PHACTR2: variants seen among roughly 807,000 people sequenced by gnomAD.
The protein encoded by PHACTR2 is phosphatase and actin regulator 2.
Under a neutral mutation model 76.0 loss-of-function variants are expected in PHACTR2, and 30 were observed. That is an observed-to-expected ratio of 0.39 (90% CI 0.30 to 0.54). The LOEUF (loss-of-function observed/expected upper bound fraction) is 0.54, where lower values mean the gene tolerates loss of function less well. PHACTR2 is among the 20% of genes least tolerant of loss of function. The pLI is 0.61. For missense variants in PHACTR2, 696 were observed against 781.1 expected (o/e 0.89, Z 1.30); for synonymous variants, 292 against 292.5 (o/e 1.00, Z 0.02).
rs1023365138 is a variant in PHACTR2 at position 143,616,903 on chromosome 6, G to A, written c.13+8581G>A. Among the ~76,000 whole-genome samples the A allele has an allele frequency of 3.9e-5, 6 of 152,160 alleles. No individual in the cohort carries two copies. Among genetic ancestry groups the A allele is most frequent in the African/African-American group, 7.2e-5 (3 of 41,540 alleles). On this transcript the variant is annotated intron_variant, in intron 1 of 11. Coordinates refer to the PHACTR2 transcript ENST00000305766. This position sits in a 1 kb window ranked among gnomAD's most constrained non-coding sequence, Gnocchi z 4.9. The stretch of plus-strand genomic sequence containing the variant: ...AGCTGAGTGGCCGGCAAACACACAC[G>A]CCCCCAGACAGGACGTTGACTGGGA...
At chr6:143,786,507 C>T (rs1292944406) in intron 10 of PHACTR2, among the ~76,000 whole-genome samples, 1 of 152,204 alleles carries the variant, frequency 6.6e-6, no homozygotes, top group African/African-American at 2.4e-5. Context: ...AAAGTTGATT[C>T]CACATTTTTG....
rs1439292358 is a variant in PHACTR2 at position 143,658,589 on chromosome 6, A to G, written c.13+50267A>G. Among the ~76,000 whole-genome samples the G allele has an allele frequency of 6.6e-6, 1 of 152,240 alleles. No individual in the cohort carries two copies. The highest frequency in any genetic ancestry group is 1.5e-5 in the Non-Finnish European group (1 of 68,044). On this transcript the variant is annotated intron_variant, in intron 1 of 11. Transcript: ENST00000305766. This position sits in a 1 kb window ranked among gnomAD's most constrained non-coding sequence, Gnocchi z 4.1. ...CTGTATGGTATAGCTTATTTCTCCC[A>G]AGCTACAAATCTGTGCAGCATGTTA...
Position 143,672,493 on chromosome 6 carries a change from C to T in PHACTR2, c.14-39523C>T, listed in dbSNP as rs556003118. Among the ~76,000 whole-genome samples, 20 of 152,042 alleles carry T rather than the reference C, an allele frequency of 1.3e-4. No homozygotes were observed. Among genetic ancestry groups the T allele is most frequent in the Middle Eastern group, 6.8e-3 (2 of 294 alleles). On this transcript the variant is annotated intron_variant, in intron 1 of 11. Coordinates refer to the PHACTR2 transcript ENST00000305766. The surrounding 1 kb of genome is among the most constrained non-coding windows in gnomAD (Gnocchi z 5.8). ...AAAAACAAACAAAAAAAGCTGCAAGCAATAAACAAACAAATACAGTTAATT... is the reference window on the plus strand; with the variant it reads ...AAAAACAAACAAAAAAAGCTGCAAGTAATAAACAAACAAATACAGTTAATT...
chr6:143,723,749 C>T (rs1778494804), intron 2 of PHACTR2, among the ~76,000 whole-genome samples: 1 of 151,920 alleles, frequency 6.6e-6, no homozygotes, highest in Non-Finnish European at 1.5e-5. Context: ...TCTGGTACAC[C>T]ACCCTTCTCT....
In PHACTR2 at chr6:143,827,930, G is replaced by A. The variant is rs1776579819; in HGVS notation, c.*4241G>A. On this transcript the variant is annotated 3_prime_UTR_variant, in exon 13 of 13. Transcript: ENST00000440869. ...GGCCAAGGTGGGTGGATCAGTTGAG[G>A]TCAGGAGTTCGAGACCAGCCTGGCC... 3 of 152,146 alleles carry A rather than the reference G, an allele frequency of 2.0e-5. No homozygotes were observed. In the South Asian group the frequency reaches 6.2e-4, roughly 32 times the overall value. The allele number at this position is 152,146 out of a possible 1,614,324, so 9.4% of individuals were successfully genotyped here.
At position 143,787,777 on chromosome 6, in the gene PHACTR2, A is replaced by G. The variant is rs1212697794; in HGVS notation, c.1708-996A>G. On this transcript the variant is annotated intron_variant, in intron 10 of 12. Coordinates refer to ENST00000440869, the MANE Select transcript of PHACTR2 (RefSeq NM_001100164.2). The surrounding 1 kb of genome is among the most constrained non-coding windows in gnomAD (Gnocchi z 4.6). ...TGTTTAAATAAAAAAAAAATAAGCA[A>G]TATCTCCGGAGAGGACCACTTAGAT... Among the ~76,000 whole-genome samples the G allele has an allele frequency of 2.0e-5, 3 of 152,128 alleles. No homozygotes were observed. The highest frequency in any genetic ancestry group is 6.6e-5 in the Admixed American group (1 of 15,262).
rs1775761139 is a variant in PHACTR2 at position 143,596,852 on chromosome 6, T to G, written c.217+59645T>G. 6.6e-6 allele frequency among the ~76,000 whole-genome samples: 1 copy of G among 151,826 alleles called. No homozygotes were observed. The highest frequency in any genetic ancestry group is 6.6e-5 in the Admixed American group (1 of 15,222). On this transcript the variant is annotated intron_variant, in intron 1 of 11. Coordinates refer to the PHACTR2 transcript ENST00000367584. This position sits in a 1 kb window ranked among gnomAD's most constrained non-coding sequence, Gnocchi z 4.6. ...GACCTCATCTCAAAAAAAATAAAAA[T>G]AAAAATAAAAAGAATCATGGCGTCC...
chr6:143,553,359 G>A lies in PHACTR2; in HGVS notation c.217+16152G>A, dbSNP rs539775053. On this transcript the variant is annotated intron_variant, in intron 1 of 11. Coordinates refer to the PHACTR2 transcript ENST00000367584. This position sits in a 1 kb window ranked among gnomAD's most constrained non-coding sequence, Gnocchi z 4.2. ...TGCATTTTAAAGAGAGAATGAAGGAGTATAGAGGGAGGTGAACAGAGGTTC... is the reference window on the plus strand; with the variant it reads ...TGCATTTTAAAGAGAGAATGAAGGAATATAGAGGGAGGTGAACAGAGGTTC... 3.3e-5 allele frequency among the ~76,000 whole-genome samples: 5 copies of A among 152,296 alleles called. No homozygotes were observed. In the South Asian group the frequency reaches 1.0e-3, roughly 32 times the overall value.
intron 1 of PHACTR2, among the ~76,000 whole-genome samples, chr6:143,612,333 G>A (rs954935830): frequency 6.6e-6 from 1 of 152,142 alleles, no homozygotes; most frequent in Non-Finnish European, 1.5e-5. Flanking sequence ...TTTCAAGCTG[G>A]TTCAAAACCT....
In PHACTR2 at chr6:143,753,574, T is replaced by C. The variant is rs1779232597; in HGVS notation, c.296-180T>C. Among the ~76,000 whole-genome samples, 1 of 152,178 alleles carries C rather than the reference T, an allele frequency of 6.6e-6. No individual in the cohort carries two copies. The highest frequency in any genetic ancestry group is 2.4e-5 in the African/African-American group (1 of 41,440). On this transcript the variant is annotated intron_variant, in intron 3 of 12. Coordinates refer to ENST00000440869, the MANE Select transcript of PHACTR2 (RefSeq NM_001100164.2). This position sits in a 1 kb window ranked among gnomAD's most constrained non-coding sequence, Gnocchi z 4.6. The stretch of plus-strand genomic sequence containing the variant: ...TAGATATTCCCTCCATAGCAGCTTT[T>C]CCCCAAGACAGAGGATTTTCTAGCT...
At position 143,663,629 on chromosome 6, in the gene PHACTR2, A is replaced by G. The variant is rs1328096011; in HGVS notation, c.14-48387A>G. Among the ~76,000 whole-genome samples the G allele has an allele frequency of 6.6e-6, 1 of 151,924 alleles. No individual in the cohort carries two copies. The highest frequency in any genetic ancestry group is 1.5e-5 in the Non-Finnish European group (1 of 67,974). On this transcript the variant is annotated intron_variant, in intron 1 of 11. Transcript: ENST00000305766. This position sits in a 1 kb window ranked among gnomAD's most constrained non-coding sequence, Gnocchi z 4.1. ...ATTCTACATGTTTTATAGTGCTTTCATTGTTGTTTAGTTCTAAATATTTTA... is the reference window on the plus strand; with the variant it reads ...ATTCTACATGTTTTATAGTGCTTTCGTTGTTGTTTAGTTCTAAATATTTTA...
intron 1 of PHACTR2, chr6:143,555,161 T>C (rs1775154460): frequency 1.3e-5 from 2 of 152,174 alleles, no homozygotes; most frequent in Admixed American, 6.5e-5. Context: ...TCTTCCCTTT[T>C]TAGTGTGGGA....
At position 143,619,686 on chromosome 6, in the gene PHACTR2, T is replaced by C. The variant is rs1039818224; in HGVS notation, c.13+11364T>C. Among the ~76,000 whole-genome samples the C allele has an allele frequency of 3.3e-5, 5 of 152,210 alleles. No individual in the cohort carries two copies. The South Asian group carries it at 1.0e-3, about 32-fold the overall frequency. ...AACTGTACACCCAACTTGTCTTTAA[T>C]TTACCACCTGCTGCATGCCTCTGCA... On this transcript the variant is annotated intron_variant, in intron 1 of 11. Coordinates refer to the PHACTR2 transcript ENST00000305766. This position sits in a 1 kb window ranked among gnomAD's most constrained non-coding sequence, Gnocchi z 4.5.
At position 143,774,052 on chromosome 6, in the gene PHACTR2, T is replaced by A. The variant is rs764435620; in HGVS notation, c.1433-7T>A. The A allele has an allele frequency of 2.5e-6, 4 of 1,612,266 alleles. No homozygotes were observed. The African/African-American group carries it at 5.3e-5, about 22-fold the overall frequency. On this transcript the variant is annotated splice_polypyrimidine_tract_variant and splice_region_variant and intron_variant, in intron 7 of 12. Transcript: ENST00000440869. The surrounding 1 kb of genome is among the most constrained non-coding windows in gnomAD (Gnocchi z 5.4). ...TCTCTGCATTTCTGCTCTTTTTCAA[T>A]CCTCAGGTGCTTTGGCAAGTAAAAT...
At chr6:143,758,395 T>C (rs1779355508) in intron 4 of PHACTR2, among the ~76,000 whole-genome samples, 1 of 152,202 alleles carries the variant, frequency 6.6e-6, no homozygotes, top group Non-Finnish European at 1.5e-5. Context: ...TACTGGGGGC[T>C]AAAGTTACAA....
At position 143,731,317 on chromosome 6, in the gene PHACTR2, C is replaced by T. The variant is rs942628973; in HGVS notation, c.215-17668C>T. ...TGTTTTGTTTTTTGAGACGGAGTTT[C>T]GCTCTTGTTGCCCAGGCTGGAGTGC... On this transcript the variant is annotated intron_variant, in intron 2 of 12. Transcript: ENST00000440869. This position sits in a 1 kb window ranked among gnomAD's most constrained non-coding sequence, Gnocchi z 4.9. 6.6e-6 allele frequency among the ~76,000 whole-genome samples: 1 copy of T among 151,056 alleles called. No individual in the cohort carries two copies. Among genetic ancestry groups the T allele is most frequent in the South Asian group, 2.1e-4 (1 of 4,758 alleles).
At chr6:143,712,306 CTTTAT>C (rs1005417289) in intron 2 of PHACTR2, 123 bp downstream of exon 2, 9 of 574,624 alleles carry the variant, frequency 1.6e-5, no homozygotes, top group Middle Eastern at 4.8e-4. Flanking sequence ...AAATGAAATT[CTTTAT>C]TTTAAGAATA....
intron 1 of PHACTR2, among the ~76,000 whole-genome samples, chr6:143,586,870 C>A (rs1438015668): frequency 6.6e-6 from 1 of 152,110 alleles, no homozygotes; most frequent in Non-Finnish European, 1.5e-5. Flanking sequence ...CGAGCCCCAG[C>A]CTTTGAAGTC....
rs1021823068 is a variant in PHACTR2, at chr6:143,809,782, T to C, written c.1922+2649T>C. Among the ~76,000 whole-genome samples the C allele has an allele frequency of 1.4e-4, 21 of 152,078 alleles. No individual in the cohort carries two copies. The highest frequency in any genetic ancestry group is 4.8e-4 in the African/African-American group (20 of 41,416). On this transcript the variant is annotated intron_variant, in intron 12 of 12. Transcript: ENST00000440869. The surrounding 1 kb of genome is among the most constrained non-coding windows in gnomAD (Gnocchi z 4.2). ...ATTTATATGTACCCTCTCTCACACA[T>C]AAACACAGCATCTAAGAAATCTTTC...
Sources: allele counts gnomAD v4.1 joint callset (sites outside exome capture counted in the v4.1 genomes callset), GRCh38; gene constraint gnomAD v4.1.1; non-coding constraint Gnocchi (gnomAD v3.1); transcripts MANE v1.5; gene names NCBI Gene and HGNC (gene_info 2026-07-23, HGNC 2026-07-21).